HPD: variants seen among roughly 807,000 people sequenced by gnomAD.
HPD encodes 4-hydroxyphenylpyruvate dioxygenase.
Under a neutral mutation model 56.9 loss-of-function variants are expected in HPD, and 35 were observed. That is an observed-to-expected ratio of 0.62 (90% CI 0.47 to 0.82). The LOEUF is 0.82. HPD is among the 40% of genes least tolerant of loss of function. The probability of loss-of-function intolerance (pLI) is 0.00; values close to 1 mark genes in which losing one functional copy is unlikely to be tolerated. For missense variants in HPD, 442 were observed against 506.8 expected (o/e 0.87, Z 1.23); for synonymous variants, 186 against 200.2 (o/e 0.93, Z 0.60).
upstream of HPD, among the ~76,000 whole-genome samples, chr12:121,866,380 T>TA (rs1878329527): frequency 8.9e-6 from 1 of 112,898 alleles, no homozygotes; most frequent in Admixed American, 8.9e-5. Context: ...TATGTTACGT[T>TA]TAAAAAAAAA....
At chr12:121,875,724 C>T in the HPD span, among the ~76,000 whole-genome samples, 2 of 152,050 alleles carry the variant, frequency 1.3e-5, no homozygotes, top group African/African-American at 4.8e-5. Context: ...CTGCACCTGG[C>T]CGGTATGGTC....
At chr12:121,849,578 C>T (rs899526006) in intron 8 of HPD, 109 bp downstream of exon 8, 17 of 782,492 alleles carry the variant, frequency 2.2e-5, no homozygotes, top group African/African-American at 3.4e-5. Flanking sequence ...ATTCCCTAGC[C>T]GGCTCCATTC....
the HPD span, among the ~76,000 whole-genome samples, chr12:121,881,013 G>A: frequency 4.6e-5 from 7 of 152,162 alleles, no homozygotes; most frequent in Admixed American, 2.6e-4. Context: ...GGCTGGTCTC[G>A]AACTCCTGAC....
the HPD span, among the ~76,000 whole-genome samples, chr12:121,869,102 C>T: frequency 6.6e-6 from 1 of 152,054 alleles, no homozygotes; most frequent in Non-Finnish European, 1.5e-5. Context: ...GCCTGTAATC[C>T]TAGCACTTTG....
chr12:121,857,798 G>A lies in HPD; in HGVS notation c.52C>T (p.His18Tyr). 6.2e-7 allele frequency: 1 copy of A among 1,613,996 alleles called. No homozygotes were observed. The highest frequency in any genetic ancestry group is 8.5e-7 in the Non-Finnish European group (1 of 1,179,886). The stretch of plus-strand genomic sequence containing the variant: ...ACCCAGAAGGTCACAGAGTGGAAGT[G>A]GAGGAATCGGCCTCTCTCAGGCTGC... ...GAKPERGRFL[H>Y]FHSVTFWVGN... The change falls in exon 3 of 14, where the codon CAC becomes TAC. Residue 18 changes from histidine (H) to tyrosine (Y), a missense_variant. His to Tyr is a moderately conservative substitution (Grantham distance 83). Coordinates refer to ENST00000289004, the MANE Select transcript of HPD (RefSeq NM_002150.3).
the HPD span, among the ~76,000 whole-genome samples, chr12:121,875,071 T>G: frequency 6.6e-6 from 1 of 152,196 alleles, no homozygotes; most frequent in Non-Finnish European, 1.5e-5. Flanking sequence ...TGTCACTTTC[T>G]TAAGTCTAAA....
chr12:121,887,716 G>A, the HPD span, among the ~76,000 whole-genome samples: 296 of 152,260 alleles, frequency 1.9e-3, no homozygotes, highest in Non-Finnish European at 3.4e-3. Context: ...TTAAATCTAG[G>A]CAATTGCATA....
In HPD at chr12:121,843,803, C is replaced by A; in HGVS notation, c.861G>T (p.Glu287Asp). 1 of 1,614,096 alleles carries A rather than the reference C, an allele frequency of 6.2e-7. No homozygotes were observed. The highest frequency in any genetic ancestry group is 8.5e-7 in the Non-Finnish European group (1 of 1,180,000). ...AGTACGTGGAGGGAACAGATAAGAA[C>A]TCCAGGCCTCTCTCTCTCAAGTGGC... ...AIRHLRERGL[E>D]FLSVPSTYYK... is the part of the protein sequence containing the mutation. Residue 287 changes from glutamate (E) to aspartate (D), a missense_variant, in exon 12 of 14, where the codon GAG becomes GAT. By Grantham distance (45) the Glu-to-Asp change is conservative. Coordinates refer to ENST00000289004, the MANE Select transcript of HPD (RefSeq NM_002150.3).
intron 2 of HPD, 99 bp downstream of exon 2, chr12:121,858,588 G>T: frequency 8.3e-7 from 1 of 1,206,480 alleles, no homozygotes; most frequent in Non-Finnish European, 1.2e-6. Flanking sequence ...ATCCACTCCA[G>T]TCCTTCCTCT....
intron 12 of HPD, among the ~76,000 whole-genome samples, chr12:121,841,072 C>T (rs926849280): frequency 1.3e-5 from 2 of 151,972 alleles, no homozygotes; most frequent in Non-Finnish European, 2.9e-5. Context: ...CATGGTGGCA[C>T]ACGCCTGTTA....
upstream of HPD, among the ~76,000 whole-genome samples, chr12:121,866,550 C>G (rs1054583629): frequency 6.6e-6 from 1 of 151,920 alleles, no homozygotes; most frequent in Non-Finnish European, 1.5e-5. Context: ...ATAAAGAGAA[C>G]CAATGCAACC....
the HPD span, among the ~76,000 whole-genome samples, chr12:121,873,849 C>A: frequency 1.3e-5 from 2 of 150,054 alleles, no homozygotes; most frequent in Non-Finnish European, 3.0e-5. Flanking sequence ...CCAGGCATGG[C>A]GGTTCACGCC....
chr12:121,866,926 A>G (rs185998510), upstream of HPD, among the ~76,000 whole-genome samples: 2 of 152,142 alleles, frequency 1.3e-5, no homozygotes, highest in East Asian at 1.9e-4. Context: ...TTTGTCCTCA[A>G]TCCACCCTCA....
At chr12:121,855,058 C>A (rs1485037143) in intron 6 of HPD, among the ~76,000 whole-genome samples, 2 of 152,050 alleles carry the variant, frequency 1.3e-5, no homozygotes, top group East Asian at 3.9e-4. Flanking sequence ...CTGCTAACTC[C>A]CCCTGTGATC....
intron 9 of HPD, among the ~76,000 whole-genome samples, chr12:121,848,230 A>G (rs1592918309): frequency 6.6e-6 from 1 of 152,262 alleles, no homozygotes; most frequent in East Asian, 1.9e-4. Context: ...ACAGTTTTAC[A>G]GTGAATAAAT....
intron 3 of HPD, 71 bp downstream of exon 3, chr12:121,857,686 G>T: frequency 7.5e-7 from 1 of 1,330,072 alleles, no homozygotes. Flanking sequence ...GACCCTGCTG[G>T]AGGCCTGCCC....
upstream of HPD, among the ~76,000 whole-genome samples, chr12:121,868,025 G>A (rs1258078623): frequency 6.6e-6 from 1 of 152,096 alleles, no homozygotes; most frequent in Non-Finnish European, 1.5e-5. Flanking sequence ...TTGTGCCAGA[G>A]TTTAATACTG....
At chr12:121,886,899 A>ATTAT in the HPD span, among the ~76,000 whole-genome samples, 1 of 151,746 alleles carries the variant, frequency 6.6e-6, no homozygotes, top group Admixed American at 6.6e-5. Flanking sequence ...TTTTAACTTT[A>ATTAT]TTATTTATTT....
chr12:121,870,952 C>T, the HPD span, among the ~76,000 whole-genome samples: 8 of 152,054 alleles, frequency 5.3e-5, no homozygotes, highest in Non-Finnish European at 1.2e-4. Context: ...GCTTGCTCTG[C>T]TCTAGGTGAG....
Sources: gnomAD v4.1 joint callset for allele counts (sites outside exome capture counted in the v4.1 genomes callset) on GRCh38, gnomAD v4.1.1 for gene constraint, MANE v1.5 for transcripts, NCBI Gene and HGNC (gene_info 2026-07-23, HGNC 2026-07-21) for gene names.